FAT3: variants seen among roughly 807,000 people sequenced by gnomAD.
The protein encoded by FAT3 is protocadherin Fat 3.
FAT3 carries 95 observed loss-of-function variants against 310.2 expected under a neutral mutation model. The observed-to-expected ratio is 0.31, with a 90% CI of 0.26 to 0.36. The LOEUF (loss-of-function observed/expected upper bound fraction) is 0.36, where lower values mean the gene tolerates loss of function less well. Among genes scored for constraint, FAT3 ranks in the 10% least tolerant of loss-of-function variants. FAT3 has a pLI of 1.00. For missense variants in FAT3, 5,408 were observed against 5,715.6 expected (o/e 0.95, Z 1.74); for synonymous variants, 2,314 against 2,192.9 (o/e 1.06, Z -1.54).
At chr11:92,786,446 C>T (rs1763537025) in intron 7 of FAT3, among the ~76,000 whole-genome samples, 1 of 151,748 alleles carries the variant, frequency 6.6e-6, no homozygotes. Flanking sequence ...AGATGAGATA[C>T]AAATAATTTA....
At chr11:92,382,488 GACGGGAGAT>G (rs1266894069) in intron 2 of FAT3, among the ~76,000 whole-genome samples, 2 of 152,092 alleles carry the variant, frequency 1.3e-5, no homozygotes, top group Admixed American at 1.3e-4. Context: ...TTCCTTTCCT[GACGGGAGAT>G]CATTATGAGA....
intron 1 of FAT3, among the ~76,000 whole-genome samples, chr11:92,299,820 G>A (rs543591358): frequency 5.5e-4 from 83 of 152,160 alleles, no homozygotes; most frequent in African/African-American, 1.7e-3. Flanking sequence ...AGAAGCTTCC[G>A]GGTTCACTAG....
chr11:92,685,356 T>G (rs1222117572), intron 3 of FAT3, among the ~76,000 whole-genome samples: 1 of 152,118 alleles, frequency 6.6e-6, no homozygotes, highest in Non-Finnish European at 1.5e-5. Context: ...TGGCTTTTTA[T>G]GAACCTGTAA....
chr11:92,621,509 G>A (rs887311945), intron 3 of FAT3, among the ~76,000 whole-genome samples: 19 of 152,144 alleles, frequency 1.2e-4, no homozygotes, highest in African/African-American at 4.6e-4. Flanking sequence ...AAAATCAAGT[G>A]CCCCACAAAG....
intron 2 of FAT3, among the ~76,000 whole-genome samples, chr11:92,493,508 T>A (rs1293275824): frequency 6.6e-6 from 1 of 152,094 alleles, no homozygotes; most frequent in Non-Finnish European, 1.5e-5. Flanking sequence ...TTGAATACAC[T>A]AACACTTCAC....
chr11:92,541,525 A>G (rs768876926), intron 3 of FAT3, among the ~76,000 whole-genome samples: 2 of 152,182 alleles, frequency 1.3e-5, no homozygotes, highest in Non-Finnish European at 2.9e-5. Context: ...GCAAGTTGTC[A>G]GAATTCACAT....
chr11:92,344,798 T>A (rs781119345), intron 1 of FAT3, among the ~76,000 whole-genome samples: 14 of 152,154 alleles, frequency 9.2e-5, no homozygotes, highest in Admixed American at 6.5e-5. Flanking sequence ...ACATCCCGAT[T>A]GATGGCAATC....
In FAT3 at chr11:92,530,705, A is replaced by C. The variant is rs528056604; in HGVS notation, c.3607+5757A>C. Among the ~76,000 whole-genome samples the C allele has an allele frequency of 2.8e-4, 42 of 152,204 alleles. No individual in the cohort carries two copies. In the South Asian group the frequency reaches 8.1e-3, roughly 29 times the overall value. On this transcript the variant is annotated intron_variant, in intron 3 of 27. Transcript: ENST00000525166. The stretch of plus-strand genomic sequence containing the variant: ...GACCTACTTTAATGAATCAACAAAC[A>C]TTATTGTATTTTAATATATGATTAT...
At chr11:92,837,566 T>C in intron 16 of FAT3, 97 bp from the exon 17 acceptor site, 2 of 1,454,494 alleles carry the variant, frequency 1.4e-6, no homozygotes, top group South Asian at 1.3e-5. Context: ...TGGTTGCTCT[T>C]TAACAAAGCA....
At chr11:92,795,160 T>G (rs1565599231) in intron 9 of FAT3, among the ~76,000 whole-genome samples, 1 of 152,072 alleles carries the variant, frequency 6.6e-6, no homozygotes, top group Non-Finnish European at 1.5e-5. Context: ...TTGTGTTTGG[T>G]GTCAATGGTG....
chr11:92,741,068 T>C (rs745864945), intron 4 of FAT3, among the ~76,000 whole-genome samples: 11 of 151,878 alleles, frequency 7.2e-5, no homozygotes, highest in Non-Finnish European at 1.0e-4. Flanking sequence ...TGAGACAGAG[T>C]CTCACTCTGT....
intron 3 of FAT3, among the ~76,000 whole-genome samples, chr11:92,640,819 C>T (rs1941930975): frequency 6.6e-6 from 1 of 152,120 alleles, no homozygotes; most frequent in African/African-American, 2.4e-5. Flanking sequence ...GTTTCTTTCC[C>T]CAACATAAGG....
At position 92,797,877 on chromosome 11, in the gene FAT3, A is replaced by T. The variant is rs1430953309; in HGVS notation, c.4864A>T (p.Ile1622Phe). 2 of 1,613,772 alleles carry T rather than the reference A, an allele frequency of 1.2e-6. No individual in the cohort carries two copies. The highest frequency in any genetic ancestry group is 3.3e-5 in the Admixed American group (2 of 59,992). Residue 1622 changes from isoleucine (I) to phenylalanine (F), a missense_variant, in exon 10 of 28, where the codon ATC becomes TTC. Around this residue, in one of 5 missense-constraint regions of FAT3, gnomAD observed 4,588 missense variants for 4,809.8 expected, o/e 0.95. Coordinates refer to ENST00000525166, the MANE Select transcript of FAT3 (RefSeq NM_001367949.2). ...NMFKIEPVLG[I>F]ITICKEPDMT... ...GTTTAAGATCGAACCGGTCCTAGGC[A>T]TCATCACCATTTGCAAAGAACCAGA... is the stretch of plus-strand genomic sequence containing the variant.
chr11:92,837,621 A>G, intron 16 of FAT3, 42 bp from the exon 17 acceptor site: 1 of 1,607,228 alleles, frequency 6.2e-7, no homozygotes, highest in Non-Finnish European at 8.5e-7. Flanking sequence ...GAAGGAAGGA[A>G]GCGCTACACC....
intron 22 of FAT3, among the ~76,000 whole-genome samples, chr11:92,868,425 A>G (rs916847512): frequency 2.0e-5 from 3 of 152,222 alleles, no homozygotes; most frequent in African/African-American, 7.2e-5. Flanking sequence ...GTATGTAAAT[A>G]AAGGGTTGTT....
chr11:92,658,095 A>G (rs1268914423), intron 3 of FAT3, among the ~76,000 whole-genome samples: 1 of 152,226 alleles, frequency 6.6e-6, no homozygotes, highest in African/African-American at 2.4e-5. Context: ...TGAATAAGAT[A>G]TTTTACATTT....
chr11:92,594,587 C>T (rs377764120), intron 3 of FAT3, among the ~76,000 whole-genome samples: 2 of 152,108 alleles, frequency 1.3e-5, no homozygotes, highest in South Asian at 4.1e-4. Flanking sequence ...TTTTATTGAA[C>T]ACATCTTTTC....
intron 4 of FAT3, among the ~76,000 whole-genome samples, chr11:92,748,040 A>G (rs1009674481): frequency 1.3e-5 from 2 of 152,118 alleles, no homozygotes; most frequent in African/African-American, 4.8e-5. Flanking sequence ...GCAGCATCCC[A>G]CTACCTGGCA....
intron 3 of FAT3, among the ~76,000 whole-genome samples, chr11:92,536,819 T>C (rs953883712): frequency 6.6e-6 from 1 of 152,164 alleles, no homozygotes; most frequent in Non-Finnish European, 1.5e-5. Flanking sequence ...CAAAGGACCC[T>C]CTCTCAAACT....
Sources: gnomAD v4.1 joint callset for allele counts (sites outside exome capture counted in the v4.1 genomes callset) on GRCh38, gnomAD v4.1.1 for gene constraint, gnomAD v4.1.1 regional missense constraint, MANE v1.5 for transcripts, NCBI Gene and HGNC (gene_info 2026-07-23, HGNC 2026-07-21) for gene names.